CACNB4: variants seen among roughly 807,000 people sequenced by gnomAD.
CACNB4 encodes the protein calcium voltage-gated channel auxiliary subunit beta 4.
A neutral mutation model predicts 71.2 loss-of-function variants in CACNB4; 32 were observed. That is an observed-to-expected ratio of 0.45 (90% CI 0.34 to 0.60). The LOEUF is 0.60. Ranked by LOEUF, CACNB4 falls within the 20% of genes least tolerant of loss-of-function variation. The pLI, the probability that CACNB4 is intolerant of heterozygous loss-of-function variation, is 0.01. For synonymous variants in CACNB4, 231 were observed against 236.9 expected, an observed-to-expected ratio of 0.97 and a Z score of 0.23; for missense variants, 464 against 647.9, an observed-to-expected ratio of 0.72 and a Z score of 3.08.
intron 2 of CACNB4, among the ~76,000 whole-genome samples, chr2:151,959,273 A>C (rs1311498050): frequency 1.3e-5 from 2 of 152,218 alleles, no homozygotes; most frequent in African/African-American, 4.8e-5. Context: ...AAATACATGG[A>C]GGTGAGGCTT....
chr2:152,055,970 C>T (rs374127045), intron 2 of CACNB4, among the ~76,000 whole-genome samples: 7 of 152,284 alleles, frequency 4.6e-5, no homozygotes, highest in East Asian at 1.9e-4. Flanking sequence ...CTCACCACCA[C>T]GCCCCTGTGA....
chr2:152,046,391 T>A (rs1685142973), intron 2 of CACNB4, among the ~76,000 whole-genome samples: 1 of 152,246 alleles, frequency 6.6e-6, no homozygotes. Flanking sequence ...ACCTTTGGCC[T>A]AGAGCAATTT....
At chr2:151,941,759 A>G (rs866899004) in intron 2 of CACNB4, among the ~76,000 whole-genome samples, 1 of 152,228 alleles carries the variant, frequency 6.6e-6, no homozygotes, top group Non-Finnish European at 1.5e-5. Context: ...TAATGTACAA[A>G]CAATGCAAAG....
At chr2:151,860,071 A>G (rs1396842569) in intron 10 of CACNB4, 2 of 152,362 alleles carry the variant, frequency 1.3e-5, no homozygotes, top group Non-Finnish European at 2.9e-5. Context: ...GACCATGAAC[A>G]GGCTTTCCAG....
At chr2:152,051,961 T>C (rs542695632) in intron 2 of CACNB4, among the ~76,000 whole-genome samples, 4 of 152,250 alleles carry the variant, frequency 2.6e-5, no homozygotes, top group Non-Finnish European at 5.9e-5. Flanking sequence ...TTTTTCATAA[T>C]ATGAAGCCCT....
At chr2:151,919,747 C>G (rs2099858447) in intron 2 of CACNB4, among the ~76,000 whole-genome samples, 1 of 152,162 alleles carries the variant, frequency 6.6e-6, no homozygotes, top group Non-Finnish European at 1.5e-5. Flanking sequence ...CCTCCATGTA[C>G]ACTTTTAATA....
Position 151,855,163 on chromosome 2 carries a change from G to A in CACNB4, c.1020+61C>T, listed in dbSNP as rs975332822. 4.8e-6 allele frequency: 6 copies of A among 1,259,716 alleles called. No homozygotes were observed. The Admixed American group carries it at 1.1e-4, about 23-fold the overall frequency. The allele number at this position is 1,259,716 out of a possible 1,614,324, so 78.0% of individuals were successfully genotyped here. A position where few individuals can be genotyped will look rare whatever the true frequency, so the allele number is the denominator to read the frequency against. ...CTTTGTCCACTAACAAAAAACCACAGAGCAAAACACATTTTTAAAAGATGC... is the reference window on the plus strand; with the variant it reads ...CTTTGTCCACTAACAAAAAACCACAAAGCAAAACACATTTTTAAAAGATGC... On this transcript the variant is annotated intron_variant, in intron 11 of 13. Coordinates refer to ENST00000539935, the MANE Select transcript of CACNB4 (RefSeq NM_000726.5).
intron 2 of CACNB4, among the ~76,000 whole-genome samples, chr2:152,060,124 T>C (rs933920288): frequency 5.9e-5 from 9 of 152,224 alleles, no homozygotes; most frequent in African/African-American, 1.9e-4. Flanking sequence ...GGGTGTTTCT[T>C]TATAGCAGTG....
intron 2 of CACNB4, among the ~76,000 whole-genome samples, chr2:151,915,003 T>C (rs2099857097): frequency 6.6e-6 from 1 of 152,038 alleles, no homozygotes; most frequent in Admixed American, 6.5e-5. Context: ...CTTTGTCCCT[T>C]GGTGGAGGGG....
rs574600539 is a variant in CACNB4, at chr2:151,833,225, C to T, written c.*5894G>A. 6.6e-6 allele frequency: 1 copy of T among 152,260 alleles called. No homozygotes were observed. Among genetic ancestry groups the T allele is most frequent in the Admixed American group, 6.5e-5 (1 of 15,294 alleles). The allele number at this position is 152,260 out of a possible 1,614,324, so 9.4% of individuals were successfully genotyped here. Reference sequence around the variant, plus strand: ...CTTTTTACATCATTTTGCCATATTTCTGTTTTAGTATGTTTTATGTTAATA... The same window carrying T: ...CTTTTTACATCATTTTGCCATATTTTTGTTTTAGTATGTTTTATGTTAATA... On this transcript the variant is annotated 3_prime_UTR_variant, in exon 14 of 14. Transcript: ENST00000539935.
chr2:151,919,529 G>GT (rs2099858381), intron 2 of CACNB4, among the ~76,000 whole-genome samples: 1 of 152,182 alleles, frequency 6.6e-6, no homozygotes, highest in African/African-American at 2.4e-5. Context: ...GATGCAAAAT[G>GT]TAACAGGGCA....
intron 8 of CACNB4, 149 bp from the exon 9 acceptor site, chr2:151,869,384 T>C: frequency 1.7e-6 from 1 of 579,034 alleles, no homozygotes; most frequent in Non-Finnish European, 3.2e-6. Context: ...CCATGGAAGG[T>C]GTTTTTCATG....
At chr2:151,944,160 CTGAGA>C (rs1005029002) in intron 2 of CACNB4, among the ~76,000 whole-genome samples, 16 of 151,564 alleles carry the variant, frequency 1.1e-4, no homozygotes, top group Non-Finnish European at 2.1e-4. Context: ...TCCTAAGTAG[CTGAGA>C]TGACACAACA....
chr2:152,048,862 G>C (rs963762478), intron 2 of CACNB4: 3 of 152,280 alleles, frequency 2.0e-5, no homozygotes, highest in African/African-American at 7.2e-5. Context: ...GGGACCAACT[G>C]TTGGGGAGGG....
chr2:151,921,890 C>T (rs2099859109), intron 2 of CACNB4, among the ~76,000 whole-genome samples: 1 of 152,188 alleles, frequency 6.6e-6, no homozygotes, highest in Non-Finnish European at 1.5e-5. Flanking sequence ...CCTTCGCCTT[C>T]CGCCATGATT....
intron 2 of CACNB4, among the ~76,000 whole-genome samples, chr2:151,965,991 C>T (rs546283792): frequency 3.6e-4 from 55 of 152,302 alleles, no homozygotes; most frequent in African/African-American, 1.2e-3. Context: ...AACACTGATA[C>T]CTTACTCAGT....
At chr2:151,872,580 T>A in intron 5 of CACNB4, 87 bp from the exon 6 acceptor site, 1 of 726,202 alleles carries the variant, frequency 1.4e-6, no homozygotes, top group Non-Finnish European at 2.4e-6. Flanking sequence ...TTGGCCCTCA[T>A]CCTATTAAAT....
intron 2 of CACNB4, among the ~76,000 whole-genome samples, chr2:151,906,112 A>T (rs948845760): frequency 4.6e-5 from 7 of 152,234 alleles, no homozygotes; most frequent in Admixed American, 4.6e-4. Context: ...ACCAGAATGT[A>T]AAACTTGACA....
rs547373644 is a variant in CACNB4 at position 151,890,220 on chromosome 2, T to G, written c.148-6850A>C. ...TGTTGGCTGAAAAAATAAGACAAGT[T>G]CTGCTTACAATCACAGCAGCTCACT... On this transcript the variant is annotated intron_variant, in intron 2 of 13. Coordinates refer to ENST00000539935, the MANE Select transcript of CACNB4 (RefSeq NM_000726.5). 3.9e-5 allele frequency among the ~76,000 whole-genome samples: 6 copies of G among 152,300 alleles called. No individual in the cohort carries two copies. The East Asian group carries it at 1.2e-3, about 29-fold the overall frequency.
Sources: allele counts gnomAD v4.1 joint callset (sites outside exome capture counted in the v4.1 genomes callset), GRCh38; gene constraint gnomAD v4.1.1; transcripts MANE v1.5; gene names NCBI Gene and HGNC (gene_info 2026-07-23, HGNC 2026-07-21).